Variants in SLC15A3 observed in about 807,000 individuals in gnomAD.
SLC15A3 encodes osteoclast transporter.
SLC15A3 carries 39 observed loss-of-function variants against 49.2 expected under a neutral mutation model. The ratio of observed to expected loss-of-function variants is 0.79; its 90% CI spans 0.61 to 1.04. The LOEUF (loss-of-function observed/expected upper bound fraction) is 1.04. SLC15A3 is among the 50% of genes least tolerant of loss of function. The pLI is 0.00. For missense variants in SLC15A3, 758 were observed against 794.8 expected (o/e 0.95, Z 0.56); for synonymous variants, 339 against 367.0 (o/e 0.92, Z 0.87).
chr11:60,946,522 C>T lies in SLC15A3; in HGVS notation c.848+10G>A. 6.5e-7 allele frequency: 1 copy of T among 1,540,752 alleles called. No individual in the cohort carries two copies. The highest frequency in any genetic ancestry group is 8.8e-7 in the Non-Finnish European group (1 of 1,142,162). ...CTTGGAGGCTCCCTGCACCCAGAGC[C>T]CCTCCTTACCTGGCCGAGTGTCGTT... On this transcript the variant is annotated intron_variant, in intron 2 of 7. Coordinates refer to ENST00000227880, the MANE Select transcript of SLC15A3 (RefSeq NM_016582.3).
Position 60,937,979 on chromosome 11 carries a change from G to A in SLC15A3, c.1482C>T (p.Ala494=). The A allele has an allele frequency of 6.2e-7, 1 of 1,614,124 alleles. No individual in the cohort carries two copies. Among genetic ancestry groups the A allele is most frequent in the Non-Finnish European group, 8.5e-7 (1 of 1,179,998 alleles). ...YSEAPRSMQG[A]IMGIFFCLSG... is the part of the protein sequence containing the mutation. The stretch of plus-strand genomic sequence containing the variant: ...ACAGGCAGAAGAAGATGCCCATGAT[G>A]GCGCCCTGCATGGAGCGCGGGGCCT... The change falls in exon 7 of 8, where the codon GCC becomes GCT. Residue 494 remains alanine (A), a synonymous_variant. Transcript: ENST00000227880.
rs113885827 is a variant in SLC15A3 at position 60,948,185 on chromosome 11, G to A, written c.559-1364C>T. Among the ~76,000 whole-genome samples the A allele has an allele frequency of 2.1e-3, 317 of 152,252 alleles. 2 individuals are homozygous for A. Among genetic ancestry groups the A allele is most frequent in the African/African-American group, 7.3e-3 (304 of 41,532 alleles). Reference sequence around the variant, plus strand: ...AGTCCACACAGATGCACTTAAACCCGCATTCCATTGGAGATTCTGCGGGGT... The same window carrying A: ...AGTCCACACAGATGCACTTAAACCCACATTCCATTGGAGATTCTGCGGGGT... On this transcript the variant is annotated intron_variant, in intron 1 of 7. Transcript: ENST00000227880.
intron 3 of SLC15A3, 59 bp downstream of exon 3, chr11:60,943,630 G>T: frequency 1.4e-6 from 2 of 1,431,874 alleles, no homozygotes; most frequent in Non-Finnish European, 1.8e-6. Flanking sequence ...GAGAAATGAG[G>T]CCATTCAGAT....
At chr11:60,938,204 C>T in intron 6 of SLC15A3, 179 bp from the exon 7 acceptor site, 1 of 707,672 alleles carries the variant, frequency 1.4e-6, no homozygotes, top group Non-Finnish European at 2.3e-6. Flanking sequence ...TTCCCCTCTG[C>T]CCTGCTCACC....
intron 1 of SLC15A3, 102 bp downstream of exon 1, chr11:60,950,892 G>A (rs1324463353): frequency 8.2e-7 from 1 of 1,223,796 alleles, no homozygotes; most frequent in Non-Finnish European, 1.1e-6. Flanking sequence ...CAGGAAACTA[G>A]TGCAGGCAGG....
chr11:60,949,029 C>T (rs1163830078), intron 1 of SLC15A3, among the ~76,000 whole-genome samples: 1 of 152,102 alleles, frequency 6.6e-6, no homozygotes. Context: ...AGAATGTCAA[C>T]AAGAAGTAAG....
rs1434659613 is a variant in SLC15A3 at position 60,938,005 on chromosome 11, C to CT, written c.1455dup (p.Glu486ArgfsTer79). Reference sequence around the variant, plus strand: ...GCGCCCTGCATGGAGCGCGGGGCCTCTGAGTAGGCAAACTCCAGGCCTGCA... The same window carrying CT: ...GCGCCCTGCATGGAGCGCGGGGCCTCTTGAGTAGGCAAACTCCAGGCCTGCA... On this transcript the variant is annotated frameshift_variant, in exon 7 of 8. Coordinates refer to ENST00000227880, the MANE Select transcript of SLC15A3 (RefSeq NM_016582.3). LOFTEE classifies it high-confidence loss of function. The CT allele has an allele frequency of 6.2e-7, 1 of 1,613,898 alleles. No individual in the cohort carries two copies. Among genetic ancestry groups the CT allele is most frequent in the South Asian group, 1.1e-5 (1 of 91,046 alleles).
chr11:60,948,975 T>A (rs1349123246), intron 1 of SLC15A3, among the ~76,000 whole-genome samples: 1 of 152,176 alleles, frequency 6.6e-6, no homozygotes, highest in African/African-American at 2.4e-5. Context: ...TAAAGGAAGA[T>A]GAGAGATTCC....
chr11:60,951,040 GC>G lies in SLC15A3; in HGVS notation c.511del (p.Ala171ProfsTer17). On this transcript the variant is annotated frameshift_variant, in exon 1 of 8. Coordinates refer to ENST00000227880, the MANE Select transcript of SLC15A3 (RefSeq NM_016582.3). LOFTEE classifies it high-confidence loss of function. ...GAGGTTGCTCCGGACGGAGCTGGCG[GC>G]CAGGCCGAGTAGCAGCAGGCCCGCG... ...LYAGLLLLGL[A>X]ASSVRSNLTS... 6.7e-7 allele frequency: 1 copy of G among 1,497,308 alleles called. No individual in the cohort carries two copies. The allele number at this position is 1,497,308 out of a possible 1,614,324, so 92.8% of individuals were successfully genotyped here.
chr11:60,949,523 A>AGAAG (rs1856868374), intron 1 of SLC15A3, among the ~76,000 whole-genome samples: 1 of 74,870 alleles, frequency 1.3e-5, no homozygotes, highest in African/African-American at 3.0e-5. Context: ...AAAGAAAGAA[A>AGAAG]GAAAGAAAGA....
chr11:60,943,887 G>A, intron 2 of SLC15A3, 51 bp from the exon 3 acceptor site: 1 of 1,434,002 alleles, frequency 7.0e-7, no homozygotes, highest in Non-Finnish European at 9.3e-7. Context: ...GCTGGGCTTG[G>A]TGGCTTATGC....
At chr11:60,947,534 A>G (rs986494351) in intron 1 of SLC15A3, among the ~76,000 whole-genome samples, 2 of 152,176 alleles carry the variant, frequency 1.3e-5, no homozygotes, top group Admixed American at 1.3e-4. Context: ...TTTATTGCAC[A>G]TTATTAAAAA....
In SLC15A3 at chr11:60,951,483, AC is replaced by A. The variant is rs1204033198; in HGVS notation, c.68del (p.Gly23ValfsTer165). 111 of 1,291,050 alleles carry A rather than the reference AC, an allele frequency of 8.6e-5. No homozygotes were observed. Among genetic ancestry groups the A allele is most frequent in the Middle Eastern group, 3.0e-4 (1 of 3,372 alleles). The allele number at this position is 1,291,050 out of a possible 1,614,324, so 80.0% of individuals were successfully genotyped here. ...PGERQPLLPR[G>X]ARGPRRWRRA... Reference sequence around the variant, plus strand: ...GCCGCCACCGTCGAGGGCCCCGCGCACCGCGAGGCAGCAGCGGCTGGCGCTC... The same window carrying A: ...GCCGCCACCGTCGAGGGCCCCGCGCACGCGAGGCAGCAGCGGCTGGCGCTC... On this transcript the variant is annotated frameshift_variant, in exon 1 of 8. Coordinates refer to ENST00000227880, the MANE Select transcript of SLC15A3 (RefSeq NM_016582.3). LOFTEE classifies it high-confidence loss of function.
At position 60,951,955 on chromosome 11, in the gene SLC15A3, G is replaced by C. The variant is rs950652228; in HGVS notation, c.-404C>G. Among the ~76,000 whole-genome samples the C allele has an allele frequency of 3.3e-5, 5 of 149,312 alleles. No homozygotes were observed. The highest frequency in any genetic ancestry group is 5.9e-5 in the Non-Finnish European group (4 of 67,402). On this transcript the variant is annotated 5_prime_UTR_variant, in exon 1 of 8. Transcript: ENST00000227880. ...CCCTCCGCCTCCCTTTCCCCTCCCC[G>C]TTTGTCGCCCCTTCCTGTTGTCCCC...
Position 60,941,201 on chromosome 11 carries a change from C to T in SLC15A3, c.1197G>A (p.Leu399=), listed in dbSNP as rs1856703257. Residue 399 remains leucine (L), a synonymous_variant, in exon 5 of 8, where the codon CTG becomes CTA. Coordinates refer to ENST00000227880, the MANE Select transcript of SLC15A3 (RefSeq NM_016582.3). ...LKDRLIDPLL[L]RCKLLPSALQ... ...GAGCAGAGGGAAGCAGCTTGCACCGCAGCAGTAAAGGGTCGATCAAGCGGT... is the reference window on the plus strand; with the variant it reads ...GAGCAGAGGGAAGCAGCTTGCACCGTAGCAGTAAAGGGTCGATCAAGCGGT... The T allele has an allele frequency of 1.2e-6, 2 of 1,614,180 alleles. No homozygotes were observed. Among genetic ancestry groups the T allele is most frequent in the Admixed American group, 1.7e-5 (1 of 60,030 alleles).
chr11:60,937,712 C>G (rs1050074605), intron 7 of SLC15A3, 158 bp downstream of exon 7: 1 of 952,074 alleles, frequency 1.1e-6, no homozygotes, highest in Non-Finnish European at 1.5e-6. Flanking sequence ...AGGGAGGCCA[C>G]GCTGTGGGTG....
chr11:60,942,798 T>G (rs1856734520), intron 3 of SLC15A3: 1 of 152,344 alleles, frequency 6.6e-6, no homozygotes, highest in African/African-American at 2.4e-5. Flanking sequence ...TCCCACCACA[T>G]GCCGCCATCT....
chr11:60,946,520 G>A lies in SLC15A3; in HGVS notation c.848+12C>T, dbSNP rs773686679. 1.3e-6 allele frequency: 2 copies of A among 1,540,496 alleles called. No individual in the cohort carries two copies. The highest frequency in any genetic ancestry group is 2.2e-4 in the Middle Eastern group (1 of 4,586). On this transcript the variant is annotated intron_variant, in intron 2 of 7. Transcript: ENST00000227880. ...GGCTTGGAGGCTCCCTGCACCCAGA[G>A]CCCCTCCTTACCTGGCCGAGTGTCG...
chr11:60,943,615 G>A, intron 3 of SLC15A3, 74 bp downstream of exon 3: 2 of 1,384,942 alleles, frequency 1.4e-6, no homozygotes, highest in African/African-American at 1.5e-5. Context: ...CTGGGCCTCT[G>A]TGATGAGAAA....
Sources: allele counts gnomAD v4.1 joint callset (sites outside exome capture counted in the v4.1 genomes callset), GRCh38; gene constraint gnomAD v4.1.1; transcripts MANE v1.5; gene names NCBI Gene and HGNC (gene_info 2026-07-23, HGNC 2026-07-21).